The following FRMD3 variants were observed in gnomAD, a reference collection of about 807,000 sequenced individuals.
FRMD3 encodes FERM domain containing 3.
A neutral mutation model predicts 70.2 loss-of-function variants in FRMD3; 33 were observed. The ratio of observed to expected loss-of-function variants is 0.47; its 90% confidence interval spans 0.36 to 0.63. The LOEUF is 0.63. FRMD3 is among the 20% of genes least tolerant of loss of function. FRMD3 has a pLI of 0.00. For synonymous variants in FRMD3, 279 were observed against 255.9 expected (o/e 1.09, Z -0.86); for missense variants, 632 against 711.4 (o/e 0.89, Z 1.27).
At chr9:83,450,364 T>A (rs1827616155) in intron 1 of FRMD3, among the ~76,000 whole-genome samples, 1 of 143,502 alleles carries the variant, frequency 7.0e-6, no homozygotes, top group African/African-American at 2.5e-5. Flanking sequence ...TTTTTTTTTT[T>A]TTTTTTATTA....
intron 5 of FRMD3, among the ~76,000 whole-genome samples, chr9:83,340,200 C>T (rs1355196534): frequency 6.6e-6 from 1 of 152,116 alleles, no homozygotes; most frequent in Non-Finnish European, 1.5e-5. Context: ...CTGTCAATCA[C>T]CTGGAGTTTA....
Position 83,454,537 on chromosome 9 carries a change from C to T in FRMD3, c.148-64829G>A, listed in dbSNP as rs75672620. 2.0e-3 allele frequency among the ~76,000 whole-genome samples: 298 copies of T among 152,314 alleles called. 1 individual carries two copies. The highest frequency in any genetic ancestry group is 3.1e-3 in the Admixed American group (47 of 15,298). ...GAGCCATGAAAAGGCCTTTTGCAAA[C>T]GATGTATTCTGGAGTACAGGTAGCA... On this transcript the variant is annotated intron_variant, in intron 1 of 13. Coordinates refer to ENST00000304195, the MANE Select transcript of FRMD3 (RefSeq NM_174938.6).
At chr9:83,343,334 C>T (rs781580544) in intron 4 of FRMD3, 47 bp from the exon 5 acceptor site, 9 of 1,318,108 alleles carry the variant, frequency 6.8e-6, no homozygotes, top group Non-Finnish European at 9.9e-6. Flanking sequence ...TGGCTGAAGT[C>T]TGGAAGAAGT....
chr9:83,452,100 C>G (rs11140097), intron 1 of FRMD3, among the ~76,000 whole-genome samples: 2,495 of 152,304 alleles, frequency 0.016, 68 homozygotes, highest in African/African-American at 0.057. Flanking sequence ...TTTCCAGCAG[C>G]CATGCTGATG....
intron 1 of FRMD3, among the ~76,000 whole-genome samples, chr9:83,495,422 G>A (rs911399043): frequency 6.6e-5 from 10 of 152,214 alleles, no homozygotes; most frequent in African/African-American, 2.4e-4. Context: ...TGTAGGAGAA[G>A]TGAAATCGTC....
chr9:83,267,028 G>A, intron 13 of FRMD3: 3 of 1,550,962 alleles, frequency 1.9e-6, no homozygotes, highest in Non-Finnish European at 2.6e-6. Context: ...TACGAGCTGT[G>A]ACCTTGGAGC....
intron 1 of FRMD3, among the ~76,000 whole-genome samples, chr9:83,402,589 A>T (rs1472803006): frequency 6.6e-6 from 1 of 152,068 alleles, no homozygotes; most frequent in Non-Finnish European, 1.5e-5. Flanking sequence ...GGCTAATAAG[A>T]AAGGAAAACT....
At chr9:83,533,640 T>C (rs1829833225) in intron 1 of FRMD3, among the ~76,000 whole-genome samples, 1 of 152,212 alleles carries the variant, frequency 6.6e-6, no homozygotes, top group African/African-American at 2.4e-5. Flanking sequence ...TCCATTCAAC[T>C]GATGTTTAAT....
At chr9:83,556,240 C>T in the FRMD3 span, among the ~76,000 whole-genome samples, 4 of 151,888 alleles carry the variant, frequency 2.6e-5, no homozygotes, top group African/African-American at 9.7e-5. Context: ...TAAAACATAA[C>T]AATTGGAAAT....
At chr9:83,375,486 A>G (rs1825114144) in intron 2 of FRMD3, among the ~76,000 whole-genome samples, 1 of 152,196 alleles carries the variant, frequency 6.6e-6, no homozygotes, top group Non-Finnish European at 1.5e-5. Flanking sequence ...CCAAAGGGAG[A>G]GTCATGAGGT....
chr9:83,295,758 C>G (rs1834633731), intron 12 of FRMD3, among the ~76,000 whole-genome samples: 1 of 152,216 alleles, frequency 6.6e-6, no homozygotes, highest in East Asian at 1.9e-4. Flanking sequence ...GTGGCTCACA[C>G]AACCAGCCCT....
chr9:83,507,464 G>A (rs529062475), intron 1 of FRMD3, among the ~76,000 whole-genome samples: 12 of 149,476 alleles, frequency 8.0e-5, no homozygotes, highest in African/African-American at 2.7e-4. Flanking sequence ...TCAGGAGATC[G>A]AGACCATCCT....
Position 83,536,930 on chromosome 9 carries a change from TAA to T in FRMD3, c.147+1153_147+1154del, listed in dbSNP as rs142272516. ...ATGGGTGGTGTGCCCTGTATTACAC[TAA>T]AAAAAAAAAAAAAAAAAAAAAGCTC... On this transcript the variant is annotated intron_variant, in intron 1 of 13. Transcript: ENST00000304195. Among the ~76,000 whole-genome samples the T allele has an allele frequency of 1.3e-3, 78 of 60,890 alleles. 1 individual carries two copies. Among genetic ancestry groups the T allele is most frequent in the Middle Eastern group, 8.5e-3 (1 of 118 alleles). The allele number at this position is 60,890 out of a possible 152,430, so 39.9% of individuals were successfully genotyped here. A position where few individuals can be genotyped will look rare whatever the true frequency, so the allele number is the denominator to read the frequency against.
intron 2 of FRMD3, among the ~76,000 whole-genome samples, chr9:83,381,174 G>T (rs1041037695): frequency 6.6e-6 from 1 of 152,172 alleles, no homozygotes; most frequent in Non-Finnish European, 1.5e-5. Flanking sequence ...GTTTCAAGAA[G>T]ATCTATGACA....
intron 12 of FRMD3, 109 bp downstream of exon 12, chr9:83,298,639 A>C: frequency 1.2e-6 from 1 of 816,922 alleles, no homozygotes; most frequent in East Asian, 2.6e-5. Context: ...TAAGGAAGTG[A>C]GAATGTCCTT....
At chr9:83,445,114 G>A (rs973169865) in intron 1 of FRMD3, among the ~76,000 whole-genome samples, 1 of 152,164 alleles carries the variant, frequency 6.6e-6, no homozygotes, top group Non-Finnish European at 1.5e-5. Context: ...AGTGGCTCAC[G>A]CCTGTAATCC....
chr9:83,341,764 T>A (rs1053819150), intron 5 of FRMD3, among the ~76,000 whole-genome samples: 2 of 152,104 alleles, frequency 1.3e-5, no homozygotes, highest in Admixed American at 6.5e-5. Flanking sequence ...GATGAAGCTG[T>A]TCCCAGGGAA....
chr9:83,525,400 ATTATT>A (rs1262110348), intron 1 of FRMD3, among the ~76,000 whole-genome samples: 1 of 152,202 alleles, frequency 6.6e-6, no homozygotes, highest in Non-Finnish European at 1.5e-5. Context: ...TAGAACTTGA[ATTATT>A]TTAATTTTCA....
chr9:83,265,176 G>A (rs373798034), intron 13 of FRMD3, among the ~76,000 whole-genome samples: 22 of 152,004 alleles, frequency 1.4e-4, no homozygotes, highest in African/African-American at 5.1e-4. Context: ...CAAGACGGGC[G>A]GATCACGAGG....
Sources: gnomAD v4.1 joint callset for allele counts (sites outside exome capture counted in the v4.1 genomes callset) on GRCh38, gnomAD v4.1.1 for gene constraint, MANE v1.5 for transcripts, NCBI Gene and HGNC (gene_info 2026-07-23, HGNC 2026-07-21) for gene names.